Variants in DGKD observed in about 807,000 individuals in gnomAD.
The protein encoded by DGKD is DAG kinase delta.
A neutral mutation model predicts 154.4 loss-of-function variants in DGKD; 68 were observed. That is an observed-to-expected ratio of 0.44 (90% confidence interval 0.36 to 0.54). The LOEUF (loss-of-function observed/expected upper bound fraction) is 0.54. DGKD is among the 20% of genes least tolerant of loss of function. DGKD has a pLI of 0.00. For missense variants in DGKD, 1,343 were observed against 1,593.6 expected (o/e 0.84, Z 2.68); for synonymous variants, 693 against 638.0 (o/e 1.09, Z -1.30).
intron 18 of DGKD, chr2:233,454,373 C>T (rs2063386117): frequency 4.2e-6 from 2 of 472,244 alleles, no homozygotes; most frequent in Non-Finnish European, 8.8e-6. Context: ...GAGCCAGACA[C>T]AGAGCCCACG....
Position 233,438,812 on chromosome 2 carries a change from ATCTG to A in DGKD, c.1085+435_1085+438del, listed in dbSNP as rs774631956. Among the ~76,000 whole-genome samples the A allele has an allele frequency of 2.2e-5, 3 of 136,828 alleles. No homozygotes were observed. The highest frequency in any genetic ancestry group is 2.4e-4 in the South Asian group (1 of 4,154). The allele number at this position is 136,828 out of a possible 152,430, so 89.8% of individuals were successfully genotyped here. On this transcript the variant is annotated intron_variant, in intron 9 of 29. Transcript: ENST00000264057. The surrounding 1 kb of genome is among the most constrained non-coding windows in gnomAD (Gnocchi z 4.1). ...TATCTATCTATCTATCTATCTATCT[ATCTG>A]TGGGTGTATTTTCCTGGCGTGCCTC... is the stretch of plus-strand genomic sequence containing the variant.
chr2:233,385,220 C>T (rs1290629855), intron 1 of DGKD, among the ~76,000 whole-genome samples: 1 of 152,154 alleles, frequency 6.6e-6, no homozygotes, highest in Non-Finnish European at 1.5e-5. Context: ...ACTTGCGCTT[C>T]CCCCCAAGCA....
chr2:233,467,331 G>A (rs538956349), intron 28 of DGKD, 128 bp downstream of exon 28: 37 of 720,046 alleles, frequency 5.1e-5, no homozygotes, highest in Non-Finnish European at 5.8e-5. Flanking sequence ...TGTAACCCCC[G>A]GTCCTGCGAC....
chr2:233,385,975 CAGAA>C (rs1445557279), intron 1 of DGKD: 3 of 470,878 alleles, frequency 6.4e-6, no homozygotes, highest in Non-Finnish European at 1.3e-5. Context: ...CATCCGCCCT[CAGAA>C]AGATTGTGCG....
chr2:233,458,338 G>A lies in DGKD; in HGVS notation c.2635G>A (p.Gly879Ser), dbSNP rs780173404. 21 of 1,612,388 alleles carry A rather than the reference G, an allele frequency of 1.3e-5. No individual in the cohort carries two copies. The highest frequency in any genetic ancestry group is 6.7e-5 in the East Asian group (3 of 44,880). Residue 879 changes from glycine to serine, a missense_variant, in exon 22 of 30, where the codon GGC (glycine) becomes AGC (serine). Around this residue, in one of 6 missense-constraint regions of DGKD, gnomAD observed 429 missense variants for 496.3 expected, o/e 0.86. Transcript: ENST00000264057. The surrounding 1 kb of genome is among the most constrained non-coding windows in gnomAD (Gnocchi z 6.6). ...DKILEVVAVF[G>S]SMQMAVSRVI... ...GATTCTGGAGGTGGTCGCCGTGTTC[G>A]GCAGCATGCAGATGGCCGTCTCTCG...
chr2:233,392,331 A>G (rs1396633183), intron 3 of DGKD: 1 of 152,156 alleles, frequency 6.6e-6, no homozygotes, highest in East Asian at 1.9e-4. Context: ...GGCCCTGGGC[A>G]TTAATTTAGA....
rs770357744 is a variant in DGKD, at chr2:233,438,243, T to C, written c.949T>C (p.Ser317Pro). Residue 317 changes from serine (S) to proline (P), a missense_variant, in exon 9 of 30, where the codon TCT (serine) becomes CCT (proline). Physicochemically the swap from Ser to Pro is moderately conservative, Grantham distance 74. Coordinates refer to ENST00000264057, the MANE Select transcript of DGKD (RefSeq NM_152879.3). This position sits in a 1 kb window ranked among gnomAD's most constrained non-coding sequence, Gnocchi z 4.1. ...DGFWKASCPP[S>P]CTSPLLVFVN... is the part of the protein sequence containing the mutation. Reference sequence around the variant, plus strand: ...GTTCTGGAAGGCCAGCTGTCCTCCTTCTTGCACAAGCCCACTGTTGGTCTT... The same window carrying C: ...GTTCTGGAAGGCCAGCTGTCCTCCTCCTTGCACAAGCCCACTGTTGGTCTT... The C allele has an allele frequency of 6.2e-6, 10 of 1,614,050 alleles. No individual in the cohort carries two copies. Among genetic ancestry groups the C allele is most frequent in the East Asian group, 2.2e-5 (1 of 44,894 alleles).
chr2:233,397,734 G>T (rs778664767), intron 3 of DGKD, among the ~76,000 whole-genome samples: 2 of 152,140 alleles, frequency 1.3e-5, no homozygotes, highest in Non-Finnish European at 2.9e-5. Context: ...GTAGGGTGGA[G>T]GGTGAACTGG....
In DGKD at chr2:233,434,451, A is replaced by T. The variant is rs1297737106; in HGVS notation, c.420A>T (p.Ala140=). ...NRKEMEDWIA[A]LKTVQNREHF... is the part of the protein sequence containing the mutation. Reference sequence around the variant, plus strand: ...AAGAAATGGAAGATTGGATTGCAGCATTAAAGACTGTGCAGAACAGGGAGC... The same window carrying T: ...AAGAAATGGAAGATTGGATTGCAGCTTTAAAGACTGTGCAGAACAGGGAGC... Residue 140 remains alanine, a synonymous_variant, in exon 4 of 30, where the codon GCA becomes GCT. Transcript: ENST00000264057. 1.2e-6 allele frequency: 2 copies of T among 1,614,216 alleles called. No individual in the cohort carries two copies. Among genetic ancestry groups the T allele is most frequent in the Admixed American group, 3.3e-5 (2 of 60,024 alleles).
At position 233,464,271 on chromosome 2, in the gene DGKD, C is replaced by G; in HGVS notation, c.3294C>G (p.Pro1098=). The G allele has an allele frequency of 6.2e-6, 10 of 1,613,468 alleles. No homozygotes were observed. Among genetic ancestry groups the G allele is most frequent in the Non-Finnish European group, 8.5e-6 (10 of 1,179,938 alleles). Residue 1098 remains proline, a synonymous_variant, in exon 27 of 30, where the codon CCC becomes CCG. Coordinates refer to ENST00000264057, the MANE Select transcript of DGKD (RefSeq NM_152879.3). ...DTPWLCQSAE[P]GDEESVMLDL... ...CGTGGCTCTGCCAGTCCGCAGAGCC[C>G]GGCGACGAAGAGGTATGTGGCTCAT...
intron 1 of DGKD, among the ~76,000 whole-genome samples, chr2:233,366,478 A>G (rs867699654): frequency 1.3e-5 from 2 of 152,126 alleles, no homozygotes; most frequent in African/African-American, 4.8e-5. Context: ...TGAGCTGGAT[A>G]ATGGAACTCT....
Position 233,449,054 on chromosome 2 carries a change from C to A in DGKD, c.1615-49C>A, listed in dbSNP as rs759677732. 26 of 1,537,790 alleles carry A rather than the reference C, an allele frequency of 1.7e-5. No individual in the cohort carries two copies. Among genetic ancestry groups the A allele is most frequent in the African/African-American group, 6.8e-5 (5 of 73,240 alleles). ...TGGCCTGAGGTTCCCTGCCTGCAGA[C>A]CCTGTTCTCCTGCCTCAGCTCTGCA... On this transcript the variant is annotated intron_variant, in intron 14 of 29. Coordinates refer to ENST00000264057, the MANE Select transcript of DGKD (RefSeq NM_152879.3). This position sits in a 1 kb window ranked among gnomAD's most constrained non-coding sequence, Gnocchi z 5.3.
chr2:233,367,004 A>C (rs546371563), intron 1 of DGKD, among the ~76,000 whole-genome samples: 1 of 152,236 alleles, frequency 6.6e-6, no homozygotes, highest in African/African-American at 2.4e-5. Context: ...TTTAACATTT[A>C]ATATCCAGAT....
At position 233,457,167 on chromosome 2, in the gene DGKD, A is replaced by AG; in HGVS notation, c.2473-50dup. On this transcript the variant is annotated intron_variant, in intron 20 of 29. Coordinates refer to ENST00000264057, the MANE Select transcript of DGKD (RefSeq NM_152879.3). This position sits in a 1 kb window ranked among gnomAD's most constrained non-coding sequence, Gnocchi z 5.5. ...GGCGGTGGGAAGCTGGTAGAGAAGGAGGGGCTGACTCATACCTTTCTCTTT... is the reference window on the plus strand; with the variant it reads ...GGCGGTGGGAAGCTGGTAGAGAAGGAGGGGGCTGACTCATACCTTTCTCTTT... 6 of 1,421,966 alleles carry AG rather than the reference A, an allele frequency of 4.2e-6. No individual in the cohort carries two copies. The highest frequency in any genetic ancestry group is 5.8e-6 in the Non-Finnish European group (6 of 1,042,466). 88.1% of individuals were successfully genotyped at this position (1,421,966 alleles called of 1,614,324 possible). A position where few individuals can be genotyped will look rare whatever the true frequency, so the allele number is the denominator to read the frequency against.
At chr2:233,446,673 C>T (rs2063082654) in intron 11 of DGKD, 39 bp from the exon 12 acceptor site, 1 of 1,603,922 alleles carries the variant, frequency 6.2e-7, no homozygotes, top group Non-Finnish European at 8.5e-7. Context: ...TGTGGGCCTG[C>T]ACGTCTTGCC....
chr2:233,432,704 G>C (rs1254678307), intron 3 of DGKD, among the ~76,000 whole-genome samples: 1 of 151,980 alleles, frequency 6.6e-6, no homozygotes, highest in Admixed American at 6.6e-5. Flanking sequence ...CTATTCCTCT[G>C]ACAAGGGATT....
chr2:233,447,799 A>T, intron 12 of DGKD: 1 of 1,205,904 alleles, frequency 8.3e-7, no homozygotes, highest in Non-Finnish European at 1.0e-6. Context: ...AGGGGTCAGG[A>T]CGGAAGCTCC....
chr2:233,438,432 A>AGT lies in DGKD; in HGVS notation c.1085+59_1085+60dup. 6.6e-7 allele frequency: 1 copy of AGT among 1,518,002 alleles called. No individual in the cohort carries two copies. The highest frequency in any genetic ancestry group is 1.2e-5 in the South Asian group (1 of 80,800). 94.0% of individuals were successfully genotyped at this position (1,518,002 alleles called of 1,614,324 possible). A position where few individuals can be genotyped will look rare whatever the true frequency, so the allele number is the denominator to read the frequency against. On this transcript the variant is annotated intron_variant, in intron 9 of 29. Coordinates refer to ENST00000264057, the MANE Select transcript of DGKD (RefSeq NM_152879.3). This position sits in a 1 kb window ranked among gnomAD's most constrained non-coding sequence, Gnocchi z 4.1. ...TTGGAGTTTTAAAAATTGTGTAGAT[A>AGT]GTGTGTGCTTGTTAAAAAAAAAAAG...
At chr2:233,468,812 C>T (rs534207856) in intron 29 of DGKD, among the ~76,000 whole-genome samples, 24 of 152,340 alleles carry the variant, frequency 1.6e-4, no homozygotes, top group East Asian at 3.9e-4. Flanking sequence ...GGACTGTCTT[C>T]GTGTTAAAAA....
Sources: gnomAD v4.1 joint callset for allele counts (sites outside exome capture counted in the v4.1 genomes callset) on GRCh38, gnomAD v4.1.1 for gene constraint, gnomAD v4.1.1 regional missense constraint, Gnocchi (gnomAD v3.1) non-coding constraint, MANE v1.5 for transcripts, NCBI Gene and HGNC (gene_info 2026-07-23, HGNC 2026-07-21) for gene names.